The following DNAH3 variants were observed in gnomAD, a reference collection of about 807,000 sequenced individuals.
DNAH3 encodes dynein axonemal heavy chain 3.
In DNAH3, 332 loss-of-function variants were observed where a neutral mutation model predicts 432.5. That is an observed-to-expected ratio of 0.77 (90% CI 0.70 to 0.84). The LOEUF is 0.84. DNAH3 is among the 40% of genes least tolerant of loss of function. DNAH3 has a pLI of 0.00. For missense variants in DNAH3, 4,861 were observed against 5,114.0 expected (o/e 0.95, Z 1.51); for synonymous variants, 1,956 against 1,900.2 (o/e 1.03, Z -0.76).
intron 16 of DNAH3, among the ~76,000 whole-genome samples, chr16:21,100,354 G>T (rs2091806494): frequency 6.6e-6 from 1 of 152,186 alleles, no homozygotes; most frequent in Admixed American, 6.5e-5. Flanking sequence ...TTACAAGCAT[G>T]AGCCACATAT....
exon 61 of DNAH3, chr16:20,935,460 A>C (rs777512438): frequency 5.0e-6 from 8 of 1,612,344 alleles, no homozygotes; most frequent in Non-Finnish European, 6.8e-6. Context: ...CCAAAATACC[A>C]CAGGGGGCCC....
At chr16:21,018,306 G>T (rs2087966447) in intron 41 of DNAH3, among the ~76,000 whole-genome samples, 1 of 152,106 alleles carries the variant, frequency 6.6e-6, no homozygotes, top group African/African-American at 2.4e-5. Context: ...CTTGTAGTAT[G>T]ATCCTCTTTT....
At chr16:21,104,059 C>T (rs1239519383) in intron 16 of DNAH3, 1 of 187,246 alleles carries the variant, frequency 5.3e-6, no homozygotes, top group African/African-American at 2.4e-5. Context: ...ATAAGACCAG[C>T]TGCAAAATAG....
chr16:20,948,936 C>T (rs565860656), intron 56 of DNAH3, among the ~76,000 whole-genome samples: 8 of 152,230 alleles, frequency 5.3e-5, no homozygotes, highest in African/African-American at 1.4e-4. Flanking sequence ...CCATGCCCAT[C>T]AAAACCCCAG....
intron 59 of DNAH3, among the ~76,000 whole-genome samples, chr16:20,938,902 G>A (rs1001047845): frequency 8.6e-5 from 13 of 152,046 alleles, no homozygotes; most frequent in African/African-American, 3.1e-4. Flanking sequence ...TCAGTCTCCT[G>A]AGTAGCTGGT....
intron 41 of DNAH3, 27 bp from the exon 42 acceptor site, chr16:21,003,234 A>G (rs2087117216): frequency 2.7e-6 from 4 of 1,496,826 alleles, no homozygotes; most frequent in African/African-American, 2.8e-5. Context: ...AAAACAGATC[A>G]TTAGCACATG....
intron 29 of DNAH3, among the ~76,000 whole-genome samples, chr16:21,051,310 C>A (rs1029119743): frequency 6.6e-6 from 1 of 152,296 alleles, no homozygotes; most frequent in Non-Finnish European, 1.5e-5. Flanking sequence ...CATAGAGACC[C>A]CTTGGCTACG....
chr16:20,941,974 A>G (rs912578616), intron 58 of DNAH3, among the ~76,000 whole-genome samples: 9 of 151,970 alleles, frequency 5.9e-5, no homozygotes, highest in African/African-American at 2.2e-4. Flanking sequence ...CTGAAGCAGG[A>G]GAATCACTTG....
In DNAH3 at chr16:21,150,762, A is replaced by T. The variant is rs145579483; in HGVS notation, c.118-4674T>A. On this transcript the variant is annotated intron_variant, in intron 1 of 61. In the 5' UTR this introduces an upstream ATG that the reference lacks. Coordinates refer to ENST00000261383, the Ensembl canonical transcript of DNAH3. Reference sequence around the variant, plus strand: ...AGAGGGAGACTCACCCCTCCAAACAACATCCTGGCAGCCCGAACTGTTCTC... The same window carrying T: ...AGAGGGAGACTCACCCCTCCAAACATCATCCTGGCAGCCCGAACTGTTCTC... 11 of 155,604 alleles carry T rather than the reference A, an allele frequency of 7.1e-5. No individual in the cohort carries two copies. In the East Asian group the frequency reaches 1.9e-3, roughly 27 times the overall value. 9.6% of individuals were successfully genotyped at this position (155,604 alleles called of 1,614,324 possible).
At chr16:21,125,424 C>T (rs2092427764) in intron 8 of DNAH3, 54 bp from the exon 10 acceptor site, 13 of 1,468,778 alleles carry the variant, frequency 8.9e-6, no homozygotes, top group Non-Finnish European at 1.2e-5. Context: ...TCCGAGGAAC[C>T]CACTTGCCGT....
intron 41 of DNAH3, among the ~76,000 whole-genome samples, chr16:21,005,361 A>G (rs1480343018): frequency 9.7e-6 from 1 of 103,578 alleles, no homozygotes; most frequent in African/African-American, 3.8e-5. Context: ...CCTCTCTTTC[A>G]TTCTTTCTCT....
chr16:21,058,241 G>A (rs200173852), intron 26 of DNAH3, 45 bp from the exon 27 acceptor site: 2 of 1,236,492 alleles, frequency 1.6e-6, no homozygotes, highest in African/African-American at 3.0e-5. Flanking sequence ...TTCACGTGTG[G>A]TTTAAACTGA....
At chr16:21,106,433 A>G in intron 15 of DNAH3, 57 bp downstream of exon 15, 1 of 1,324,688 alleles carries the variant, frequency 7.5e-7, no homozygotes, top group Non-Finnish European at 1.0e-6. Flanking sequence ...ATATATACAA[A>G]TATAAAATAT....
intron 54 of DNAH3, 130 bp from the exon 55 acceptor site, chr16:20,955,187 G>A (rs554061126): frequency 3.5e-5 from 29 of 823,044 alleles, no homozygotes; most frequent in Non-Finnish European, 4.4e-5. Flanking sequence ...CCATCTCTAT[G>A]AAAAACATTA....
intron 55 of DNAH3, among the ~76,000 whole-genome samples, chr16:20,954,307 T>G (rs1230815017): frequency 1.3e-5 from 2 of 150,858 alleles, no homozygotes; most frequent in Non-Finnish European, 3.0e-5. Flanking sequence ...TTTTTTTTTT[T>G]TGAGACAGGG....
chr16:20,965,941 G>C (rs1036174208), intron 52 of DNAH3, among the ~76,000 whole-genome samples: 1 of 144,886 alleles, frequency 6.9e-6, no homozygotes, highest in African/African-American at 2.6e-5. Context: ...TTAAACTCCT[G>C]ACCTCATGTG....
intron 59 of DNAH3, among the ~76,000 whole-genome samples, chr16:20,940,067 C>T (rs1286009308): frequency 3.9e-5 from 6 of 152,326 alleles, no homozygotes; most frequent in South Asian, 2.1e-4. Flanking sequence ...CTAGGATGAA[C>T]GTCTCCCACC....
chr16:20,983,127 A>AT (rs1213778225), intron 48 of DNAH3, among the ~76,000 whole-genome samples: 1 of 151,872 alleles, frequency 6.6e-6, no homozygotes, highest in African/African-American at 2.4e-5. Flanking sequence ...AAAAATTTTA[A>AT]TTTTTTATTT....
intron 41 of DNAH3, among the ~76,000 whole-genome samples, chr16:21,004,908 C>G (rs1393066567): frequency 6.6e-6 from 1 of 152,122 alleles, no homozygotes; most frequent in East Asian, 1.9e-4. Context: ...TTCTCTGGTT[C>G]CTTTTGTTGT....
Sources: allele counts gnomAD v4.1 joint callset (sites outside exome capture counted in the v4.1 genomes callset), GRCh38; gene constraint gnomAD v4.1.1; transcripts MANE v1.5; gene names NCBI Gene and HGNC (gene_info 2026-07-23, HGNC 2026-07-21).